SPAG17: variants seen among roughly 807,000 people sequenced by gnomAD.
The protein encoded by SPAG17 is sperm associated antigen 17, also known as sperm-associated antigen 17.
A neutral mutation model predicts 273.6 loss-of-function variants in SPAG17; 169 were observed. That is an observed-to-expected ratio of 0.62 (90% CI 0.55 to 0.70). The LOEUF (loss-of-function observed/expected upper bound fraction) is 0.70, where lower values mean the gene tolerates loss of function less well. SPAG17 is among the 30% of genes least tolerant of loss of function. The pLI is 0.00. For synonymous variants in SPAG17, 825 were observed against 873.2 expected, an observed-to-expected ratio of 0.94 and a Z score of 0.97; for missense variants, 2,557 against 2,627.8, an observed-to-expected ratio of 0.97 and a Z score of 0.59.
At position 118,062,228 on chromosome 1, in the gene SPAG17, G is replaced by A. The variant is rs1018023519; in HGVS notation, c.2540+4517C>T. ...CTAAAAATCAAAAAATTAGCCGGGC[G>A]TAGTGGCGGGCGCCTGTAGTCCCAG... is the stretch of plus-strand genomic sequence containing the variant. On this transcript the variant is annotated intron_variant, in intron 18 of 48. Coordinates refer to ENST00000336338, the MANE Select transcript of SPAG17 (RefSeq NM_206996.4). Among the ~76,000 whole-genome samples the A allele has an allele frequency of 5.9e-5, 9 of 151,278 alleles. No homozygotes were observed. In the South Asian group the frequency reaches 1.0e-3, roughly 17 times the overall value.
chr1:118,063,344 G>C (rs550784776), intron 18 of SPAG17, among the ~76,000 whole-genome samples: 1 of 152,068 alleles, frequency 6.6e-6, no homozygotes, highest in East Asian at 1.9e-4. Context: ...ATACTACAAG[G>C]CTACAGTAAC....
chr1:118,025,650 C>T (rs949241421), intron 26 of SPAG17, among the ~76,000 whole-genome samples: 1 of 152,012 alleles, frequency 6.6e-6, no homozygotes, highest in Non-Finnish European at 1.5e-5. Flanking sequence ...ACCACAACAC[C>T]CTGTTAAGTT....
At chr1:117,988,534 T>C (rs908467122) in intron 38 of SPAG17, among the ~76,000 whole-genome samples, 4 of 152,222 alleles carry the variant, frequency 2.6e-5, no homozygotes, top group South Asian at 2.1e-4. Flanking sequence ...AACCATAACA[T>C]TGAAATTGTT....
chr1:117,971,391 C>T (rs1345742772), intron 45 of SPAG17, among the ~76,000 whole-genome samples: 1 of 152,140 alleles, frequency 6.6e-6, no homozygotes, highest in Non-Finnish European at 1.5e-5. Context: ...ACAGTTTCTC[C>T]TTTTATAGTA....
chr1:118,130,201 C>G (rs545099310), intron 3 of SPAG17, among the ~76,000 whole-genome samples: 3 of 152,252 alleles, frequency 2.0e-5, no homozygotes, highest in Admixed American at 1.3e-4. Context: ...CCTTAATGAG[C>G]AGATGGATGC....
chr1:118,053,509 G>T lies in SPAG17; in HGVS notation c.2814+493C>A, dbSNP rs571912207. On this transcript the variant is annotated intron_variant, in intron 20 of 48. Coordinates refer to ENST00000336338, the MANE Select transcript of SPAG17 (RefSeq NM_206996.4). ...GTGATCTAATCAACACCCAAATTCAGTGGGGAGAATTAATGTTATATTTAA... is the reference window on the plus strand; with the variant it reads ...GTGATCTAATCAACACCCAAATTCATTGGGGAGAATTAATGTTATATTTAA... Among the ~76,000 whole-genome samples the T allele has an allele frequency of 9.2e-5, 14 of 152,130 alleles. No homozygotes were observed. The South Asian group carries it at 1.7e-3, about 18-fold the overall frequency.
intron 29 of SPAG17, 114 bp downstream of exon 29, chr1:118,015,851 C>T: frequency 1.1e-6 from 1 of 885,468 alleles, no homozygotes; most frequent in Non-Finnish European, 1.7e-6. Context: ...TCCATCCATC[C>T]ACTACTTAAC....
Position 118,023,208 on chromosome 1 carries a change from G to A in SPAG17, c.4069+96C>T, listed in dbSNP as rs1033988783. The stretch of plus-strand genomic sequence containing the variant: ...AATATATAAATATATTTGTAGAAGA[G>A]GTTGCAAGTATTATAATAATAATAA... On this transcript the variant is annotated intron_variant, in intron 28 of 48. Coordinates refer to ENST00000336338, the MANE Select transcript of SPAG17 (RefSeq NM_206996.4). 5.1e-6 allele frequency: 4 copies of A among 784,746 alleles called. No individual in the cohort carries two copies. The South Asian group carries it at 1.2e-4, about 24-fold the overall frequency. The allele number at this position is 784,746 out of a possible 1,614,324, so 48.6% of individuals were successfully genotyped here. A position where few individuals can be genotyped will look rare whatever the true frequency, so the allele number is the denominator to read the frequency against.
intron 48 of SPAG17, chr1:117,956,922 A>G (rs1048955747): frequency 1.7e-6 from 1 of 592,030 alleles, no homozygotes; most frequent in African/African-American, 1.9e-5. Context: ...AGAGTCATCT[A>G]GCTTACAGAT....
chr1:118,027,860 T>C (rs779464210), intron 26 of SPAG17, among the ~76,000 whole-genome samples: 3 of 152,200 alleles, frequency 2.0e-5, no homozygotes, highest in Non-Finnish European at 4.4e-5. Flanking sequence ...GTCATTTGTT[T>C]TGGTCAGACC....
intron 12 of SPAG17, 33 bp from the exon 13 acceptor site, chr1:118,086,105 T>C: frequency 6.2e-7 from 1 of 1,607,962 alleles, no homozygotes. Flanking sequence ...CAGAAGACAT[T>C]AGAGTAAGCT....
At chr1:118,031,645 A>T in intron 25 of SPAG17, 47 bp downstream of exon 25, 1 of 1,589,754 alleles carries the variant, frequency 6.3e-7, no homozygotes, top group Non-Finnish European at 8.6e-7. Flanking sequence ...AAAAGTTAAC[A>T]CTGAAGCAGA....
intron 43 of SPAG17, 70 bp from the exon 44 acceptor site, chr1:117,973,631 A>G (rs17037773): frequency 0.02 from 30,052 of 1,480,638 alleles, 1,103 homozygotes; most frequent in South Asian, 0.13. Flanking sequence ...TAATATCAGA[A>G]TGTATGACAA....
intron 24 of SPAG17, among the ~76,000 whole-genome samples, chr1:118,032,286 T>G (rs1375271035): frequency 6.6e-6 from 1 of 152,152 alleles, no homozygotes; most frequent in Non-Finnish European, 1.5e-5. Flanking sequence ...ATAAGATCTG[T>G]GTAAATAACC....
Position 117,987,891 on chromosome 1 carries a change from A to T in SPAG17, c.5622-10T>A. 2 of 1,613,700 alleles carry T rather than the reference A, an allele frequency of 1.2e-6. No individual in the cohort carries two copies. Among genetic ancestry groups the T allele is most frequent in the Non-Finnish European group, 1.7e-6 (2 of 1,179,788 alleles). On this transcript the variant is annotated splice_polypyrimidine_tract_variant and intron_variant, in intron 39 of 48. Transcript: ENST00000336338. Reference sequence around the variant, plus strand: ...TGAGGATGCTGTGTGTCTATGTGAAAGGAAAGGAAAGTATGGTGAAAAGGG... The same window carrying T: ...TGAGGATGCTGTGTGTCTATGTGAATGGAAAGGAAAGTATGGTGAAAAGGG...
chr1:117,957,104 T>C (rs1260785772), intron 48 of SPAG17: 1 of 1,608,118 alleles, frequency 6.2e-7, no homozygotes, highest in African/African-American at 1.3e-5. Flanking sequence ...TGCCTTTCTC[T>C]TATGTCCCAG....
intron 12 of SPAG17, 85 bp from the exon 13 acceptor site, chr1:118,086,157 C>T: frequency 8.2e-7 from 1 of 1,223,594 alleles, no homozygotes; most frequent in Middle Eastern, 2.2e-4. Flanking sequence ...AACATGATAC[C>T]TTCACCCTCA....
intron 1 of SPAG17, among the ~76,000 whole-genome samples, chr1:118,163,437 G>A (rs573352811): frequency 3.2e-4 from 48 of 152,034 alleles, no homozygotes; most frequent in Non-Finnish European, 5.0e-4. Context: ...TTCCTGCCGC[G>A]GTTTCCTCTC....
chr1:118,137,516 T>A (rs1658431316), intron 3 of SPAG17, among the ~76,000 whole-genome samples: 1 of 152,208 alleles, frequency 6.6e-6, no homozygotes, highest in African/African-American at 2.4e-5. Context: ...GAAGTTAAAA[T>A]ATAAACTTTT....
Sources: gnomAD v4.1 joint callset for allele counts (sites outside exome capture counted in the v4.1 genomes callset) on GRCh38, gnomAD v4.1.1 for gene constraint, MANE v1.5 for transcripts, NCBI Gene and HGNC (gene_info 2026-07-23, HGNC 2026-07-21) for gene names.